The following PREPL variants were observed in gnomAD, a reference collection of about 807,000 sequenced individuals.
PREPL encodes prolyl endopeptidase-like.
A neutral mutation model predicts 70.6 loss-of-function variants in PREPL; 77 were observed. The ratio of observed to expected loss-of-function variants is 1.09; its 90% CI spans 0.91 to 1.32. The LOEUF (loss-of-function observed/expected upper bound fraction) is 1.32. PREPL is among the 40% of genes most tolerant of loss of function. The pLI, the probability that PREPL is intolerant of heterozygous loss-of-function variation, is 0.00. For synonymous variants in PREPL, 315 were observed against 264.8 expected (o/e 1.19, Z -1.84); for missense variants, 1,002 against 778.2 (o/e 1.29, Z -3.42).
At position 44,344,378 on chromosome 2, in the gene PREPL, T is replaced by C; in HGVS notation, c.142+142A>G. 9.2e-6 allele frequency: 6 copies of C among 655,416 alleles called. No individual in the cohort carries two copies. In the South Asian group the frequency reaches 1.5e-4, roughly 16 times the overall value. The allele number at this position is 655,416 out of a possible 1,614,324, so 40.6% of individuals were successfully genotyped here. A position where few individuals can be genotyped will look rare whatever the true frequency, so the allele number is the denominator to read the frequency against. On this transcript the variant is annotated intron_variant, in intron 3 of 13. Coordinates refer to ENST00000409411, the MANE Select transcript of PREPL (RefSeq NM_001171613.2). ...TAACTATATCTTACACAAACCCAGA[T>C]ATTAAAAACTAGTCATTAAAAAAAA...
Position 44,318,826 on chromosome 2 carries a change from CAA to C in PREPL, c.*2528_*2529del, listed in dbSNP as rs1308960579. 3.3e-5 allele frequency: 5 copies of C among 152,046 alleles called. No individual in the cohort carries two copies. The highest frequency in any genetic ancestry group is 1.2e-4 in the African/African-American group (5 of 41,392). The allele number at this position is 152,046 out of a possible 1,614,324, so 9.4% of individuals were successfully genotyped here. A position where few individuals can be genotyped will look rare whatever the true frequency, so the allele number is the denominator to read the frequency against. On this transcript the variant is annotated 3_prime_UTR_variant, in exon 14 of 14. Coordinates refer to ENST00000409411, the MANE Select transcript of PREPL (RefSeq NM_001171613.2). ...TCAATATGAAAAGCATTATATGAGA[CAA>C]AGGCAATTTTCAAAAATTGATAAAA... is the stretch of plus-strand genomic sequence containing the variant.
chr2:44,321,523 T>C (rs1672943228), intron 13 of PREPL, 78 bp from the exon 14 acceptor site: 10 of 1,557,474 alleles, frequency 6.4e-6, no homozygotes, highest in Non-Finnish European at 8.7e-6. Context: ...TCTTTATCTA[T>C]CCATCTTTAC....
chr2:44,344,576 C>A lies in PREPL; in HGVS notation c.86G>T (p.Gly29Val). ...YEIINVEVKH[G>V]GFVYYQEGCC... ...ACCTTCTTGGTAATAAACAAAACCA[C>A]CATGTTTAACCTGACAAAAGAAACA... Residue 29 changes from glycine (G) to valine (V), a missense_variant, in exon 3 of 14, where the codon GGT becomes GTT. Physicochemically the swap from Gly to Val is moderately radical, Grantham distance 109. Transcript: ENST00000409411. The A allele has an allele frequency of 2.5e-6, 4 of 1,600,770 alleles. No individual in the cohort carries two copies. The highest frequency in any genetic ancestry group is 3.4e-6 in the Non-Finnish European group (4 of 1,173,904).
intron 1 of PREPL, among the ~76,000 whole-genome samples, chr2:44,349,775 G>A (rs1388959175): frequency 6.6e-6 from 1 of 151,750 alleles, no homozygotes; most frequent in Non-Finnish European, 1.5e-5. Flanking sequence ...TACGAGGAGA[G>A]AAAAAGGCAT....
intron 1 of PREPL, chr2:44,360,346 T>C (rs1211248696): frequency 6.6e-6 from 1 of 152,242 alleles, no homozygotes; most frequent in Non-Finnish European, 1.5e-5. Flanking sequence ...ATTTTACAGG[T>C]TGCCAAACTG....
chr2:44,349,088 A>G (rs1398613746), intron 1 of PREPL, among the ~76,000 whole-genome samples: 3 of 152,196 alleles, frequency 2.0e-5, no homozygotes, highest in Non-Finnish European at 2.9e-5. Flanking sequence ...CCACTCCCCA[A>G]GTGACCCACC....
intron 7 of PREPL, among the ~76,000 whole-genome samples, chr2:44,337,146 G>A (rs1486756569): frequency 2.6e-5 from 4 of 152,138 alleles, no homozygotes; most frequent in South Asian, 4.1e-4. Flanking sequence ...ATAATTAACA[G>A]TTTCCTGAAC....
Position 44,325,455 on chromosome 2 carries a change from T to C in PREPL, c.1479+1257A>G, listed in dbSNP as rs536327702. 4.6e-5 allele frequency among the ~76,000 whole-genome samples: 7 copies of C among 152,356 alleles called. No individual in the cohort carries two copies. The South Asian group carries it at 1.4e-3, about 32-fold the overall frequency. On this transcript the variant is annotated intron_variant, in intron 10 of 13. Transcript: ENST00000409411. ...TCTGAAGACACCTACATTTTCCTAA[T>C]GCCCTTTAATCCCTTTTCTGCTTAA... is the stretch of plus-strand genomic sequence containing the variant.
chr2:44,348,593 A>T (rs1676072735), intron 1 of PREPL, among the ~76,000 whole-genome samples: 1 of 152,214 alleles, frequency 6.6e-6, no homozygotes. Context: ...CAAAAGCAAC[A>T]GAGCGGGCTC....
At position 44,338,589 on chromosome 2, in the gene PREPL, G is replaced by A. The variant is rs1002627688; in HGVS notation, c.703-53C>T. 6 of 1,424,294 alleles carry A rather than the reference G, an allele frequency of 4.2e-6. No individual in the cohort carries two copies. The African/African-American group carries it at 8.6e-5, about 20-fold the overall frequency. The allele number at this position is 1,424,294 out of a possible 1,614,324, so 88.2% of individuals were successfully genotyped here. On this transcript the variant is annotated intron_variant, in intron 6 of 13. Coordinates refer to ENST00000409411, the MANE Select transcript of PREPL (RefSeq NM_001171613.2). ...TAGGTAAGAAAACACGAAGGCTGCA[G>A]CATCCAGAGATGCAATCACTGAGAA... is the stretch of plus-strand genomic sequence containing the variant.
intron 1 of PREPL, among the ~76,000 whole-genome samples, chr2:44,358,253 C>T (rs559837729): frequency 6.6e-6 from 1 of 152,146 alleles, no homozygotes; most frequent in South Asian, 2.1e-4. Flanking sequence ...TACATGCATA[C>T]AACACAGATG....
intron 1 of PREPL, among the ~76,000 whole-genome samples, chr2:44,358,994 C>A (rs1347809945): frequency 6.6e-6 from 1 of 151,618 alleles, no homozygotes; most frequent in Non-Finnish European, 1.5e-5. Context: ...CTAAGGAAGT[C>A]CTGAGGTGAA....
chr2:44,340,522 T>C (rs1334690419), intron 5 of PREPL, among the ~76,000 whole-genome samples: 2 of 152,224 alleles, frequency 1.3e-5, no homozygotes, highest in African/African-American at 4.8e-5. Context: ...TCTTCTGTAT[T>C]GGATCACATT....
rs1175606261 is a variant in PREPL at position 44,318,783 on chromosome 2, TAGC to T, written c.*2570_*2572del. ...AAAAATCAGGCTTGGAAGTATTTAA[TAGC>T]AGACAAAATATAGTTCAATATGAAA... On this transcript the variant is annotated 3_prime_UTR_variant, in exon 14 of 14. Transcript: ENST00000409411. 4 of 152,302 alleles carry T rather than the reference TAGC, an allele frequency of 2.6e-5. No individual in the cohort carries two copies. Among genetic ancestry groups the T allele is most frequent in the East Asian group, 1.9e-4 (1 of 5,190 alleles). 9.4% of individuals were successfully genotyped at this position (152,302 alleles called of 1,614,324 possible).
At chr2:44,340,290 C>T (rs984224854) in intron 5 of PREPL, among the ~76,000 whole-genome samples, 3 of 151,948 alleles carry the variant, frequency 2.0e-5, no homozygotes, top group Non-Finnish European at 4.4e-5. Flanking sequence ...TTTCCCAAGA[C>T]AAATTTTTAG....
In PREPL at chr2:44,346,289, T is replaced by C; in HGVS notation, c.54A>G (p.Glu18=). 3 of 1,612,462 alleles carry C rather than the reference T, an allele frequency of 1.9e-6. No homozygotes were observed. The highest frequency in any genetic ancestry group is 2.5e-6 in the Non-Finnish European group (3 of 1,179,304). The change falls in exon 2 of 14, where the codon GAA becomes GAG. Residue 18 remains glutamate, a synonymous_variant. Coordinates refer to ENST00000409411, the MANE Select transcript of PREPL (RefSeq NM_001171613.2). ...TTACTTCCACATTGATGATTTCATA[T>C]TCTTCTTGTGGCTGTGTTTCTAATT... ...RTKLETQPQE[E]YEIINVEVKH...
chr2:44,333,404 G>A (rs886719144), intron 7 of PREPL, among the ~76,000 whole-genome samples: 3 of 152,084 alleles, frequency 2.0e-5, no homozygotes, highest in South Asian at 2.1e-4. Flanking sequence ...TTGACAGAGC[G>A]TTAGAAATGG....
At chr2:44,355,754 TATATA>T (rs1558521928) in intron 1 of PREPL, among the ~76,000 whole-genome samples, 3 of 78,746 alleles carry the variant, frequency 3.8e-5, no homozygotes, top group African/African-American at 2.4e-4. Flanking sequence ...CTACATATTA[TATATA>T]TATATATATA....
chr2:44,337,263 C>T (rs1674732004), intron 7 of PREPL, among the ~76,000 whole-genome samples: 1 of 152,178 alleles, frequency 6.6e-6, no homozygotes. Flanking sequence ...TGGTTTATTT[C>T]ACATTCAACC....
Sources: gnomAD v4.1 joint callset for allele counts (sites outside exome capture counted in the v4.1 genomes callset) on GRCh38, gnomAD v4.1.1 for gene constraint, MANE v1.5 for transcripts, NCBI Gene and HGNC (gene_info 2026-07-23, HGNC 2026-07-21) for gene names.